The following NKAIN2 variants were observed in gnomAD, a reference collection of about 807,000 sequenced individuals.
NKAIN2 encodes sodium/potassium-transporting ATPase subunit beta-1-interacting protein 2.
Under a neutral mutation model 32.6 loss-of-function variants are expected in NKAIN2, and 14 were observed. The ratio of observed to expected loss-of-function variants is 0.43; its 90% CI spans 0.28 to 0.67. NKAIN2 has a LOEUF of 0.67. Among genes scored for constraint, NKAIN2 ranks in the 30% least tolerant of loss-of-function variants. The probability of loss-of-function intolerance (pLI) is 0.17; values close to 1 mark genes in which losing one functional copy is unlikely to be tolerated. For missense variants in NKAIN2, 198 were observed against 258.3 expected, an observed-to-expected ratio of 0.77 and a Z score of 1.60; for synonymous variants, 80 against 87.2, an observed-to-expected ratio of 0.92 and a Z score of 0.46.
chr6:124,210,396 G>A (rs1404108038), intron 1 of NKAIN2, among the ~76,000 whole-genome samples: 1 of 151,712 alleles, frequency 6.6e-6, no homozygotes, highest in East Asian at 1.9e-4. Context: ...TGTTCTTTTT[G>A]CTCAGGATGG....
chr6:124,195,482 A>G (rs1011973949), intron 1 of NKAIN2, among the ~76,000 whole-genome samples: 2 of 152,076 alleles, frequency 1.3e-5, no homozygotes, highest in Non-Finnish European at 2.9e-5. Context: ...TAGACATTTG[A>G]TTTAATAACT....
chr6:124,575,825 C>G (rs1019521205), intron 3 of NKAIN2, among the ~76,000 whole-genome samples: 1 of 152,086 alleles, frequency 6.6e-6, no homozygotes, highest in Admixed American at 6.5e-5. Context: ...TCCATGAACC[C>G]CTGGAAGTCC....
intron 1 of NKAIN2, among the ~76,000 whole-genome samples, chr6:123,805,951 G>A (rs971626877): frequency 7.2e-5 from 11 of 152,092 alleles, no homozygotes; most frequent in African/African-American, 2.7e-4. Context: ...CACTAGGTCT[G>A]TATGACATTT....
At chr6:123,987,169 A>G (rs539358159) in intron 1 of NKAIN2, among the ~76,000 whole-genome samples, 10 of 152,298 alleles carry the variant, frequency 6.6e-5, no homozygotes, top group African/African-American at 2.2e-4. Context: ...ATAGAGAAGT[A>G]AGAGATGAGT....
chr6:124,623,834 A>T (rs964804977), intron 3 of NKAIN2, among the ~76,000 whole-genome samples: 3 of 152,138 alleles, frequency 2.0e-5, no homozygotes, highest in East Asian at 3.9e-4. Context: ...ATGGCAGTAG[A>T]TCTTTGCAGG....
intron 1 of NKAIN2, among the ~76,000 whole-genome samples, chr6:123,991,330 A>T (rs1779400030): frequency 6.6e-6 from 1 of 152,166 alleles, no homozygotes; most frequent in South Asian, 2.1e-4. Context: ...AGTTGAAGTC[A>T]TGGGCAGGCA....
intron 1 of NKAIN2, among the ~76,000 whole-genome samples, chr6:123,950,737 C>A (rs939801054): frequency 1.3e-5 from 2 of 151,776 alleles, no homozygotes; most frequent in East Asian, 1.9e-4. Flanking sequence ...TTTCAAAAAA[C>A]CAGCTTTTCA....
intron 3 of NKAIN2, among the ~76,000 whole-genome samples, chr6:124,537,773 G>A (rs781770751): frequency 6.6e-6 from 1 of 152,004 alleles, no homozygotes; most frequent in African/African-American, 2.4e-5. Context: ...GATTATCTGT[G>A]CCTTTTGAAT....
chr6:124,550,109 T>C (rs1481947998), intron 3 of NKAIN2, among the ~76,000 whole-genome samples: 3 of 152,228 alleles, frequency 2.0e-5, no homozygotes, highest in African/African-American at 7.2e-5. Flanking sequence ...CTCTTCATTA[T>C]ACATTTCTTA....
chr6:124,298,117 A>C (rs1343765771), intron 2 of NKAIN2, among the ~76,000 whole-genome samples: 2 of 152,176 alleles, frequency 1.3e-5, no homozygotes, highest in Non-Finnish European at 2.9e-5. Flanking sequence ...TGTTTTACTG[A>C]AACTCAATAG....
At chr6:124,812,700 C>T (rs1780958466) in intron 5 of NKAIN2, among the ~76,000 whole-genome samples, 1 of 151,960 alleles carries the variant, frequency 6.6e-6, no homozygotes, top group African/African-American at 2.4e-5. Flanking sequence ...ACTACATTTC[C>T]AAAAGAAAGC....
chr6:124,343,021 C>G (rs1241841057), intron 2 of NKAIN2, among the ~76,000 whole-genome samples: 5 of 137,042 alleles, frequency 3.6e-5, no homozygotes, highest in African/African-American at 1.4e-4. Flanking sequence ...GTGATGTTCC[C>G]CTTCCTGTGT....
At chr6:124,188,098 G>A (rs1400922781) in intron 1 of NKAIN2, among the ~76,000 whole-genome samples, 1 of 152,102 alleles carries the variant, frequency 6.6e-6, no homozygotes, top group Non-Finnish European at 1.5e-5. Flanking sequence ...AAGCTTTTCA[G>A]AAGATGAAAA....
intron 3 of NKAIN2, among the ~76,000 whole-genome samples, chr6:124,505,541 G>A (rs1404078657): frequency 6.6e-6 from 1 of 152,214 alleles, no homozygotes; most frequent in Non-Finnish European, 1.5e-5. Flanking sequence ...TGCTGAGACA[G>A]CTCTTTAATT....
chr6:124,393,657 G>A (rs542668117), intron 3 of NKAIN2, among the ~76,000 whole-genome samples: 4 of 152,166 alleles, frequency 2.6e-5, no homozygotes, highest in South Asian at 4.1e-4. Flanking sequence ...GTGAGGAGCC[G>A]AGTCTCAAAA....
intron 3 of NKAIN2, among the ~76,000 whole-genome samples, chr6:124,373,426 G>A (rs967276219): frequency 3.9e-5 from 6 of 152,094 alleles, no homozygotes; most frequent in Non-Finnish European, 5.9e-5. Flanking sequence ...AAGCAGTGTT[G>A]TCAAGCAGGG....
At chr6:123,871,431 G>A (rs1012853228) in intron 1 of NKAIN2, among the ~76,000 whole-genome samples, 12 of 152,102 alleles carry the variant, frequency 7.9e-5, no homozygotes, top group African/African-American at 2.7e-4. Flanking sequence ...AGTCTGACCT[G>A]ACTGCTCCCC....
intron 4 of NKAIN2, among the ~76,000 whole-genome samples, chr6:124,783,062 A>T (rs1033781921): frequency 1.3e-5 from 2 of 152,102 alleles, no homozygotes; most frequent in African/African-American, 2.4e-5. Context: ...CGGCACATGT[A>T]TGGAATGGTT....
intron 1 of NKAIN2, among the ~76,000 whole-genome samples, chr6:124,230,063 T>C (rs1792369373): frequency 6.6e-6 from 1 of 152,104 alleles, no homozygotes; most frequent in Admixed American, 6.6e-5. Context: ...AGAAACTTAT[T>C]GAATGGCTTT....
Sources: allele counts gnomAD v4.1 joint callset (sites outside exome capture counted in the v4.1 genomes callset), GRCh38; gene constraint gnomAD v4.1.1; transcripts MANE v1.5; gene names NCBI Gene and HGNC (gene_info 2026-07-23, HGNC 2026-07-21).